ZSCAN30: variants seen among roughly 807,000 people sequenced by gnomAD.
ZSCAN30 encodes the protein zinc finger and SCAN domain containing 30.
A neutral mutation model predicts 44.3 loss-of-function variants in ZSCAN30; 37 were observed. That is an observed-to-expected ratio of 0.84 (90% CI 0.64 to 1.10). ZSCAN30 has a LOEUF of 1.10. ZSCAN30 is among the 50% of genes least tolerant of loss of function. The pLI, the probability that ZSCAN30 is intolerant of heterozygous loss-of-function variation, is 0.00. For synonymous variants in ZSCAN30, 181 were observed against 204.6 expected, an observed-to-expected ratio of 0.88 and a Z score of 0.98; for missense variants, 549 against 582.6, an observed-to-expected ratio of 0.94 and a Z score of 0.59.
rs114092631 is a variant in ZSCAN30 at position 35,275,088 on chromosome 18, C to T, written c.-103-10633G>A. 5.1e-4 allele frequency among the ~76,000 whole-genome samples: 77 copies of T among 152,172 alleles called. 1 individual carries two copies. The highest frequency in any genetic ancestry group is 1.9e-3 in the African/African-American group (77 of 41,520). ...TTCTCCCATGTATTTAATATACTTG[C>T]TATTTGCTTTGTGTGCAGTTATGAG... is the stretch of plus-strand genomic sequence containing the variant. On this transcript the variant is annotated intron_variant, in intron 1 of 3. Coordinates refer to ENST00000333206, the MANE Select transcript of ZSCAN30 (RefSeq NM_001112734.4).
rs770102240 is a variant in ZSCAN30 at position 35,254,394 on chromosome 18, A to C, written c.554-13T>G. ...ACCATCCTGCCATCTAAAAATGTGA[A>C]TAGAAAGTGTAAGTATCATTTACTT... On this transcript the variant is annotated splice_polypyrimidine_tract_variant and intron_variant, in intron 3 of 3. Coordinates refer to ENST00000333206, the MANE Select transcript of ZSCAN30 (RefSeq NM_001112734.4). 6.2e-7 allele frequency: 1 copy of C among 1,614,014 alleles called. No homozygotes were observed. Among genetic ancestry groups the C allele is most frequent in the Non-Finnish European group, 8.5e-7 (1 of 1,179,948 alleles).
chr18:35,283,142 G>A (rs1207459658), intron 1 of ZSCAN30: 1 of 152,114 alleles, frequency 6.6e-6, no homozygotes, highest in African/African-American at 2.4e-5. Context: ...CAGCACTTTG[G>A]AAGGCTGAGG....
chr18:35,261,069 T>C (rs1396077887), intron 3 of ZSCAN30: 1 of 152,222 alleles, frequency 6.6e-6, no homozygotes, highest in Non-Finnish European at 1.5e-5. Flanking sequence ...TTTCTGCATA[T>C]GGCTAGCCAG....
intron 1 of ZSCAN30, among the ~76,000 whole-genome samples, chr18:35,287,732 T>C (rs1674549808): frequency 6.6e-6 from 1 of 152,068 alleles, no homozygotes; most frequent in African/African-American, 2.4e-5. Context: ...TTCTCAAATA[T>C]CATACAAAAA....
At chr18:35,277,381 G>T (rs1009903263) in intron 1 of ZSCAN30, among the ~76,000 whole-genome samples, 3 of 152,124 alleles carry the variant, frequency 2.0e-5, no homozygotes, top group African/African-American at 7.2e-5. Context: ...TGATTTGGCT[G>T]CGTCCCCACC....
chr18:35,285,281 A>G (rs2044530999), intron 1 of ZSCAN30: 1 of 43,212 alleles, frequency 2.3e-5, no homozygotes, highest in African/African-American at 5.4e-5. Flanking sequence ...CACAAGGAGA[A>G]TAGACAAAAC....
At chr18:35,273,417 C>T (rs1598642864) in intron 1 of ZSCAN30, among the ~76,000 whole-genome samples, 4 of 152,330 alleles carry the variant, frequency 2.6e-5, no homozygotes. Context: ...TACATGTATA[C>T]ACCACATTTT....
chr18:35,261,904 G>A (rs4799792), intron 3 of ZSCAN30: 47,163 of 151,986 alleles, frequency 0.31, 8,090 homozygotes, highest in Non-Finnish European at 0.37. Flanking sequence ...CCTGCTTGGT[G>A]CAGAAGATAC....
intron 1 of ZSCAN30, among the ~76,000 whole-genome samples, chr18:35,275,659 A>ACT (rs1237497140): frequency 6.6e-6 from 1 of 151,382 alleles, no homozygotes; most frequent in Non-Finnish European, 1.5e-5. Flanking sequence ...TGTGTTATCT[A>ACT]CTCTCTCTCT....
chr18:35,271,660 CA>C (rs1336264603), intron 1 of ZSCAN30, among the ~76,000 whole-genome samples: 1 of 152,246 alleles, frequency 6.6e-6, no homozygotes, highest in African/African-American at 2.4e-5. Context: ...CTGCACTCCT[CA>C]GCCCTTGGGC....
At chr18:35,277,476 G>C (rs1188659940) in intron 1 of ZSCAN30, among the ~76,000 whole-genome samples, 1 of 152,150 alleles carries the variant, frequency 6.6e-6, no homozygotes, top group Non-Finnish European at 1.5e-5. Context: ...CATGGGGACA[G>C]CTACCTCCAT....
rs143182188 is a variant in ZSCAN30 at position 35,255,482 on chromosome 18, G to C, written c.554-1101C>G. ...TAGAAGTAATAATTGCTAAGAGTTA[G>C]GATTCAAATAAACATTCTTAACATC... On this transcript the variant is annotated intron_variant, in intron 3 of 3. Coordinates refer to ENST00000333206, the MANE Select transcript of ZSCAN30 (RefSeq NM_001112734.4). Among the ~76,000 whole-genome samples, 38 of 152,108 alleles carry C rather than the reference G, an allele frequency of 2.5e-4. No homozygotes were observed. In the East Asian group the frequency reaches 6.8e-3, roughly 27 times the overall value.
intron 3 of ZSCAN30, chr18:35,263,242 TAAA>T (rs71265098): frequency 1.0e-3 from 288 of 277,236 alleles, no homozygotes; most frequent in East Asian, 1.9e-3. Flanking sequence ...AGACCCCATC[TAAA>T]AAAAAAAAAA....
chr18:35,267,610 G>T (rs1185410453), intron 1 of ZSCAN30: 1 of 152,230 alleles, frequency 6.6e-6, no homozygotes, highest in African/African-American at 2.4e-5. Context: ...CGCGGGTCGT[G>T]TCTCGCAGGA....
At chr18:35,271,019 T>C (rs868226776) in intron 1 of ZSCAN30, among the ~76,000 whole-genome samples, 1 of 152,180 alleles carries the variant, frequency 6.6e-6, no homozygotes, top group Admixed American at 6.5e-5. Flanking sequence ...CCCAGTAGGT[T>C]TGTGGTCTTG....
chr18:35,275,340 C>T (rs1713435964), intron 1 of ZSCAN30, among the ~76,000 whole-genome samples: 1 of 152,252 alleles, frequency 6.6e-6, no homozygotes, highest in Non-Finnish European at 1.5e-5. Flanking sequence ...CTACAGGTCA[C>T]TCAGTATTGC....
Position 35,254,275 on chromosome 18 carries a change from ATG to A in ZSCAN30, c.658_659del (p.His220PhefsTer6), listed in dbSNP as rs2043709967. On this transcript the variant is annotated frameshift_variant, in exon 4 of 4. Transcript: ENST00000333206. LOFTEE classifies it high-confidence loss of function. ...ISPGKLPGET[H>X]SQRIAEEALG... ...AAGCTTCTTCAGCTATCCGTTGGGA[ATG>A]TGTTTCTCCAGGAAGTTTTCCCGGC... The A allele has an allele frequency of 1.9e-6, 3 of 1,614,002 alleles. No homozygotes were observed. The highest frequency in any genetic ancestry group is 2.5e-6 in the Non-Finnish European group (3 of 1,179,992).
At chr18:35,279,268 A>G (rs2044415195) in intron 1 of ZSCAN30, among the ~76,000 whole-genome samples, 1 of 152,178 alleles carries the variant, frequency 6.6e-6, no homozygotes, top group East Asian at 1.9e-4. Context: ...CTCTCTCTGA[A>G]AGCTCTAGGG....
intron 1 of ZSCAN30, among the ~76,000 whole-genome samples, chr18:35,287,428 G>A (rs2044570574): frequency 6.6e-6 from 1 of 152,004 alleles, no homozygotes; most frequent in Non-Finnish European, 1.5e-5. Context: ...ATTAAGTGTG[G>A]TGTTGGACTA....
Sources: allele counts gnomAD v4.1 joint callset (sites outside exome capture counted in the v4.1 genomes callset), GRCh38; gene constraint gnomAD v4.1.1; transcripts MANE v1.5; gene names NCBI Gene and HGNC (gene_info 2026-07-23, HGNC 2026-07-21).